The following BMP5 variants were observed in gnomAD, a reference collection of about 807,000 sequenced individuals.
BMP5 encodes the protein bone morphogenetic protein 5.
Under a neutral mutation model 46.6 loss-of-function variants are expected in BMP5, and 23 were observed. The ratio of observed to expected loss-of-function variants is 0.49; its 90% CI spans 0.35 to 0.70. The LOEUF is 0.70. Among genes scored for constraint, BMP5 ranks in the 30% least tolerant of loss-of-function variants. The pLI, the probability that BMP5 is intolerant of heterozygous loss-of-function variation, is 0.00. For missense variants in BMP5, 545 were observed against 565.6 expected, an observed-to-expected ratio of 0.96 and a Z score of 0.37; for synonymous variants, 204 against 191.9, an observed-to-expected ratio of 1.06 and a Z score of -0.52.
chr6:55,812,617 G>C (rs1353433248), intron 2 of BMP5, among the ~76,000 whole-genome samples: 2 of 152,154 alleles, frequency 1.3e-5, no homozygotes, highest in South Asian at 4.1e-4. Flanking sequence ...TTACATTAAA[G>C]AGTACAGTCT....
chr6:55,863,051 A>AT (rs1777560080), intron 1 of BMP5, among the ~76,000 whole-genome samples: 2 of 152,148 alleles, frequency 1.3e-5, no homozygotes, highest in South Asian at 4.1e-4. Context: ...TTGCCCTGTG[A>AT]TTTTGGCAGT....
chr6:55,790,826 G>A (rs1775558432), intron 3 of BMP5, among the ~76,000 whole-genome samples: 1 of 152,072 alleles, frequency 6.6e-6, no homozygotes. Context: ...TCCATCCCAG[G>A]TGTCTTTAGC....
chr6:55,779,292 T>C (rs1252152367), intron 3 of BMP5, among the ~76,000 whole-genome samples: 1 of 152,058 alleles, frequency 6.6e-6, no homozygotes, highest in Non-Finnish European at 1.5e-5. Flanking sequence ...AAACCCACGG[T>C]AATTGACTGC....
intron 2 of BMP5, among the ~76,000 whole-genome samples, chr6:55,817,001 G>A (rs559920249): frequency 1.3e-5 from 2 of 152,044 alleles, no homozygotes; most frequent in Non-Finnish European, 2.9e-5. Context: ...TGAAAAAAAC[G>A]CTCATCATCA....
chr6:55,854,764 C>A (rs1474914413), intron 1 of BMP5, among the ~76,000 whole-genome samples: 2 of 152,014 alleles, frequency 1.3e-5, no homozygotes, highest in Non-Finnish European at 2.9e-5. Context: ...GAATTAAAAT[C>A]AATTGATAAA....
chr6:55,854,503 T>G (rs183198590), intron 1 of BMP5, among the ~76,000 whole-genome samples: 1 of 152,038 alleles, frequency 6.6e-6, no homozygotes, highest in East Asian at 1.9e-4. Flanking sequence ...TGTGTATATA[T>G]GCATATATAT....
At chr6:55,798,037 G>A (rs1775759807) in intron 2 of BMP5, among the ~76,000 whole-genome samples, 1 of 152,136 alleles carries the variant, frequency 6.6e-6, no homozygotes, top group East Asian at 1.9e-4. Flanking sequence ...TGAAACCGGA[G>A]GAAAAGATCT....
chr6:55,831,645 TA>T (rs760466531), intron 1 of BMP5, among the ~76,000 whole-genome samples: 1,447 of 141,148 alleles, frequency 0.01, 21 homozygotes, highest in African/African-American at 0.032. Flanking sequence ...CTTTAAAAAA[TA>T]AAAAAAAAAT....
intron 2 of BMP5, among the ~76,000 whole-genome samples, chr6:55,800,974 T>C (rs1775837331): frequency 6.6e-6 from 1 of 152,196 alleles, no homozygotes; most frequent in Admixed American, 6.5e-5. Context: ...GAAAGGTTGA[T>C]CTGAGCCACT....
rs544150864 is a variant in BMP5 at position 55,874,669 on chromosome 6, C to T, written c.197G>A (p.Arg66Lys). 7 of 1,613,616 alleles carry T rather than the reference C, an allele frequency of 4.3e-6. No individual in the cohort carries two copies. Among genetic ancestry groups the T allele is most frequent in the Admixed American group, 1.7e-5 (1 of 59,936 alleles). Residue 66 changes from arginine (R) to lysine (K), a missense_variant, in exon 1 of 7, where the codon AGA becomes AAA. Transcript: ENST00000370830. The stretch of plus-strand genomic sequence containing the variant: ...CGCTTGTTTTCCAGGTGAAAATGGT[C>T]TGGGTCTGTGAGGCAAACCCAAGAT... ...LSILGLPHRP[R>K]PFSPGKQASS...
intron 2 of BMP5, among the ~76,000 whole-genome samples, chr6:55,817,204 G>A (rs1033725825): frequency 6.6e-6 from 1 of 152,162 alleles, no homozygotes; most frequent in Non-Finnish European, 1.5e-5. Context: ...ATTCCTCAAG[G>A]ATCTAGAACT....
chr6:55,846,589 A>T (rs1777102641), intron 1 of BMP5, among the ~76,000 whole-genome samples: 1 of 151,870 alleles, frequency 6.6e-6, no homozygotes, highest in East Asian at 1.9e-4. Flanking sequence ...TTCACACACA[A>T]ATTAGTATCC....
chr6:55,804,148 C>G (rs1179901333), intron 2 of BMP5, among the ~76,000 whole-genome samples: 1 of 152,088 alleles, frequency 6.6e-6, no homozygotes, highest in Non-Finnish European at 1.5e-5. Context: ...AGTACTAGTC[C>G]CTCATACTTG....
intron 2 of BMP5, among the ~76,000 whole-genome samples, chr6:55,814,946 A>G (rs1776219941): frequency 6.6e-6 from 1 of 152,172 alleles, no homozygotes. Context: ...CAGCCTGATC[A>G]ACATGGTGAA....
chr6:55,777,034 A>T (rs976206529), intron 3 of BMP5, among the ~76,000 whole-genome samples: 1 of 151,938 alleles, frequency 6.6e-6, no homozygotes, highest in Admixed American at 6.6e-5. Flanking sequence ...TAATATTATT[A>T]AGTTTCCTCT....
chr6:55,811,638 CCTCTCT>C (rs1036741811), intron 2 of BMP5, among the ~76,000 whole-genome samples: 1 of 150,792 alleles, frequency 6.6e-6, no homozygotes, highest in African/African-American at 2.4e-5. Flanking sequence ...ACACCTCTGC[CCTCTCT>C]CTCTCTGTCT....
chr6:55,849,195 AG>A (rs1777162955), intron 1 of BMP5, among the ~76,000 whole-genome samples: 1 of 152,018 alleles, frequency 6.6e-6, no homozygotes, highest in Non-Finnish European at 1.5e-5. Context: ...ATAGGAGTGA[AG>A]AAAAGAGGCA....
At chr6:55,829,255 C>G (rs559186771) in intron 1 of BMP5, among the ~76,000 whole-genome samples, 1 of 151,720 alleles carries the variant, frequency 6.6e-6, no homozygotes, top group Non-Finnish European at 1.5e-5. Context: ...TGCTTACTAC[C>G]GTACACTCTT....
At chr6:55,868,626 C>T (rs1487746758) in intron 1 of BMP5, among the ~76,000 whole-genome samples, 1 of 151,906 alleles carries the variant, frequency 6.6e-6, no homozygotes, top group Non-Finnish European at 1.5e-5. Context: ...TTTGTTTCTG[C>T]CTTTTAAAAT....
Sources: gnomAD v4.1 joint callset for allele counts (sites outside exome capture counted in the v4.1 genomes callset) on GRCh38, gnomAD v4.1.1 for gene constraint, MANE v1.5 for transcripts, NCBI Gene and HGNC (gene_info 2026-07-23, HGNC 2026-07-21) for gene names.